TRAPPC9: variants seen among roughly 807,000 people sequenced by gnomAD.
The protein encoded by TRAPPC9 is IKK2 binding protein.
In TRAPPC9, 83 loss-of-function variants were observed where a neutral mutation model predicts 124.0. The observed-to-expected ratio is 0.67, with a 90% CI of 0.56 to 0.80. The LOEUF (loss-of-function observed/expected upper bound fraction) is 0.80, where lower values mean the gene tolerates loss of function less well. Among genes scored for constraint, TRAPPC9 ranks in the 30% least tolerant of loss-of-function variants. The pLI, the probability that TRAPPC9 is intolerant of heterozygous loss-of-function variation, is 0.00. For missense variants in TRAPPC9, 1,302 were observed against 1,508.3 expected (o/e 0.86, Z 2.27); for synonymous variants, 638 against 617.5 (o/e 1.03, Z -0.49).
chr8:139,767,134 T>C (rs1318568171), intron 21 of TRAPPC9, among the ~76,000 whole-genome samples: 1 of 152,176 alleles, frequency 6.6e-6, no homozygotes, highest in East Asian at 1.9e-4. Context: ...GCTTTACACA[T>C]CATCTGATTT....
At chr8:140,005,822 G>C (rs1838711265) in intron 18 of TRAPPC9, among the ~76,000 whole-genome samples, 1 of 151,016 alleles carries the variant, frequency 6.6e-6, no homozygotes, top group Non-Finnish European at 1.5e-5. Flanking sequence ...TGAGGCAGGA[G>C]AATCTCTTCA....
intron 19 of TRAPPC9, among the ~76,000 whole-genome samples, chr8:139,963,320 G>A (rs776797609): frequency 2.0e-5 from 3 of 152,112 alleles, no homozygotes; most frequent in African/African-American, 4.8e-5. Context: ...CCCGGGCTAC[G>A]GAAACAGCAG....
At chr8:140,421,097 AG>A (rs2070187658) in intron 5 of TRAPPC9, among the ~76,000 whole-genome samples, 1 of 152,220 alleles carries the variant, frequency 6.6e-6, no homozygotes, top group South Asian at 2.1e-4. Flanking sequence ...ACCTTTCCCT[AG>A]GAGACAGTGG....
intron 21 of TRAPPC9, among the ~76,000 whole-genome samples, chr8:139,878,618 C>A (rs2131077508): frequency 6.6e-6 from 1 of 152,232 alleles, no homozygotes; most frequent in Middle Eastern, 3.4e-3. Flanking sequence ...GAAATAACAA[C>A]CTAAAGACCT....
At chr8:140,066,722 T>A (rs1035011254) in intron 17 of TRAPPC9, among the ~76,000 whole-genome samples, 1 of 152,128 alleles carries the variant, frequency 6.6e-6, no homozygotes, top group African/African-American at 2.4e-5. Context: ...AAGTCCAATA[T>A]ATAATGGAAA....
chr8:140,309,040 C>A (rs984865798), intron 10 of TRAPPC9, among the ~76,000 whole-genome samples: 2 of 152,132 alleles, frequency 1.3e-5, no homozygotes, highest in Admixed American at 6.5e-5. Flanking sequence ...AGGAAAGGGA[C>A]GCGCACAGAA....
chr8:139,887,175 G>A (rs994614405), intron 20 of TRAPPC9, among the ~76,000 whole-genome samples: 9 of 151,934 alleles, frequency 5.9e-5, no homozygotes, highest in African/African-American at 1.9e-4. Context: ...ATGCTGCCCT[G>A]GGGGCTCGGG....
At chr8:140,336,753 G>C (rs1375259660) in intron 9 of TRAPPC9, among the ~76,000 whole-genome samples, 3 of 152,296 alleles carry the variant, frequency 2.0e-5, no homozygotes, top group Non-Finnish European at 2.9e-5. Context: ...CTGTATCTAA[G>C]TTGATAGATA....
chr8:140,388,133 A>C (rs2068809781), intron 7 of TRAPPC9, among the ~76,000 whole-genome samples: 1 of 151,098 alleles, frequency 6.6e-6, no homozygotes, highest in African/African-American at 2.4e-5. Flanking sequence ...ACAAAAAAAC[A>C]AACACCGCAT....
chr8:140,116,223 A>G (rs2060885043), intron 17 of TRAPPC9, among the ~76,000 whole-genome samples: 1 of 152,214 alleles, frequency 6.6e-6, no homozygotes, highest in African/African-American at 2.4e-5. Flanking sequence ...AAAGGTTTAA[A>G]GTAGGGTGAG....
At chr8:139,922,185 T>G (rs1191205948) in intron 19 of TRAPPC9, among the ~76,000 whole-genome samples, 1 of 79,688 alleles carries the variant, frequency 1.3e-5, no homozygotes, top group African/African-American at 6.3e-5. Flanking sequence ...TGGTTTGGTG[T>G]TTTTTTTTTT....
At chr8:140,009,486 C>T (rs1320847927) in intron 18 of TRAPPC9, among the ~76,000 whole-genome samples, 1 of 152,120 alleles carries the variant, frequency 6.6e-6, no homozygotes, top group Non-Finnish European at 1.5e-5. Context: ...CAACCTGTCC[C>T]CCTACCATCT....
At chr8:139,893,489 C>A (rs761456873) in intron 20 of TRAPPC9, among the ~76,000 whole-genome samples, 2 of 152,250 alleles carry the variant, frequency 1.3e-5, no homozygotes, top group African/African-American at 2.4e-5. Context: ...TTGGCACTTG[C>A]ATGTCTCTTT....
intron 17 of TRAPPC9, among the ~76,000 whole-genome samples, chr8:140,045,794 C>T (rs1205678007): frequency 6.6e-6 from 1 of 151,896 alleles, no homozygotes; most frequent in East Asian, 1.9e-4. Context: ...CTCGAGGTGG[C>T]AGAGTCCCAG....
chr8:140,016,306 T>C (rs865918460), intron 18 of TRAPPC9, among the ~76,000 whole-genome samples: 1 of 152,166 alleles, frequency 6.6e-6, no homozygotes, highest in African/African-American at 2.4e-5. Flanking sequence ...AGAAAGATAT[T>C]TTCTCTTCCC....
At chr8:140,101,665 C>T (rs944040623) in intron 17 of TRAPPC9, among the ~76,000 whole-genome samples, 1 of 150,410 alleles carries the variant, frequency 6.6e-6, no homozygotes, top group African/African-American at 2.4e-5. Context: ...GCCTCAGCCA[C>T]CCAAGTAGCT....
At chr8:140,028,709 C>T (rs2131952917) in intron 17 of TRAPPC9, among the ~76,000 whole-genome samples, 1 of 152,344 alleles carries the variant, frequency 6.6e-6, no homozygotes, top group South Asian at 2.1e-4. Flanking sequence ...ACCCTTGGGG[C>T]ACTCGAGTCT....
intron 21 of TRAPPC9, among the ~76,000 whole-genome samples, chr8:139,854,213 C>T (rs1036359256): frequency 3.3e-5 from 5 of 152,220 alleles, no homozygotes; most frequent in Admixed American, 6.5e-5. Context: ...TTCTTCCACA[C>T]TCTGGAATGT....
chr8:139,922,590 G>A (rs1331720136), intron 19 of TRAPPC9, among the ~76,000 whole-genome samples: 1 of 152,234 alleles, frequency 6.6e-6, no homozygotes, highest in African/African-American at 2.4e-5. Context: ...TCATTCCCTG[G>A]GCCTCCAGAC....
Sources: gnomAD v4.1 joint callset for allele counts (sites outside exome capture counted in the v4.1 genomes callset) on GRCh38, gnomAD v4.1.1 for gene constraint, MANE v1.5 for transcripts, NCBI Gene and HGNC (gene_info 2026-07-23, HGNC 2026-07-21) for gene names.